The following PNP variants were observed in gnomAD, a reference collection of about 807,000 sequenced individuals.
PNP encodes HEL-S-156an.
Under a neutral mutation model 26.8 loss-of-function variants are expected in PNP, and 18 were observed. The ratio of observed to expected loss-of-function variants is 0.67; its 90% CI spans 0.46 to 1.00. The LOEUF (loss-of-function observed/expected upper bound fraction) is 1.00. Ranked by LOEUF, PNP falls within the 50% of genes least tolerant of loss-of-function variation. The pLI, the probability that PNP is intolerant of heterozygous loss-of-function variation, is 0.00. For synonymous variants in PNP, 116 were observed against 124.8 expected (o/e 0.93, Z 0.47); for missense variants, 320 against 362.9 (o/e 0.88, Z 0.96).
intron 1 of PNP, among the ~76,000 whole-genome samples, chr14:20,471,534 G>A (rs994322886): frequency 2.0e-5 from 3 of 152,004 alleles, no homozygotes; most frequent in Non-Finnish European, 2.9e-5. Context: ...TTTAACCTTT[G>A]ACAACCAGTA....
In PNP at chr14:20,472,346, TTC is replaced by T. The variant is rs1882003775; in HGVS notation, c.52_53del (p.Leu18ValfsTer4). The T allele has an allele frequency of 6.2e-7, 1 of 1,613,870 alleles. No homozygotes were observed. Among genetic ancestry groups the T allele is most frequent in the Non-Finnish European group, 8.5e-7 (1 of 1,179,840 alleles). ...GATTATAAGAACACTGCAGAATGGC[TTC>T]TGTCTCACACTAAGCACCGACCTCA... On this transcript the variant is annotated frameshift_variant, in exon 2 of 6. Coordinates refer to ENST00000361505, the MANE Select transcript of PNP (RefSeq NM_000270.4). LOFTEE classifies it high-confidence loss of function.
chr14:20,469,809 C>T (rs535715642), intron 1 of PNP: 5 of 602,012 alleles, frequency 8.3e-6, no homozygotes, highest in Non-Finnish European at 8.9e-6. Flanking sequence ...GTAAAAGCAG[C>T]CGTTGTGTGT....
chr14:20,469,521 G>C lies in PNP; in HGVS notation c.-4G>C. ...AGGCTCATCGAGAAGGCGTCTGCGA[G>C]ACCATGGAGAACGGGTGAGGAGGGC... On this transcript the variant is annotated 5_prime_UTR_variant, in exon 1 of 6. Transcript: ENST00000361505. The C allele has an allele frequency of 6.4e-7, 1 of 1,553,182 alleles. No homozygotes were observed. The highest frequency in any genetic ancestry group is 8.7e-7 in the Non-Finnish European group (1 of 1,148,610).
rs1382587927 is a variant in PNP, at chr14:20,475,268, T to A, written c.652+16T>A. The A allele has an allele frequency of 1.2e-6, 2 of 1,607,788 alleles. No individual in the cohort carries two copies. Among genetic ancestry groups the A allele is most frequent in the African/African-American group, 1.3e-5 (1 of 74,776 alleles). On this transcript the variant is annotated intron_variant, in intron 5 of 5. Coordinates refer to ENST00000361505, the MANE Select transcript of PNP (RefSeq NM_000270.4). Reference sequence around the variant, plus strand: ...GACGCTGTTGGTGAGAAGGGGAATTTGGCTGGAAGCTTGAAGAGGGAGGGG... The same window carrying A: ...GACGCTGTTGGTGAGAAGGGGAATTAGGCTGGAAGCTTGAAGAGGGAGGGG...
At chr14:20,476,249 G>A in intron 5 of PNP, 135 bp from the exon 6 acceptor site, 1 of 766,116 alleles carries the variant, frequency 1.3e-6, no homozygotes, top group Non-Finnish European at 2.3e-6. Flanking sequence ...TGGGATTACA[G>A]GTGTGAACCA....
rs762626347 is a variant in PNP, at chr14:20,474,659, C to T, written c.285+84C>T. ...CTCTTTCACTACCTAGCTATCTGGG[C>T]TAGGTGGATTTTTGGTCCTCTCCTT... On this transcript the variant is annotated intron_variant, in intron 3 of 5. Transcript: ENST00000361505. 5.2e-6 allele frequency: 8 copies of T among 1,538,040 alleles called. No homozygotes were observed. In the Admixed American group the frequency reaches 1.4e-4, roughly 26 times the overall value.
At chr14:20,474,305 C>A in intron 2 of PNP, 167 bp from the exon 3 acceptor site, 1 of 641,102 alleles carries the variant, frequency 1.6e-6, no homozygotes, top group Non-Finnish European at 2.8e-6. Flanking sequence ...TAATGCCTGG[C>A]TCTCTCACCA....
At position 20,474,958 on chromosome 14, in the gene PNP, T is replaced by A. The variant is rs1594427524; in HGVS notation, c.461+10T>A. 2 of 1,614,170 alleles carry A rather than the reference T, an allele frequency of 1.2e-6. No homozygotes were observed. On this transcript the variant is annotated intron_variant, in intron 4 of 5. Coordinates refer to ENST00000361505, the MANE Select transcript of PNP (RefSeq NM_000270.4). ...GGCCCAATGATGAAAGGTATGTATG[T>A]TACTCCGTTTTTTTTAGGTGGGTAG...
In PNP at chr14:20,477,003, C is replaced by G; in HGVS notation, c.*402C>G. On this transcript the variant is annotated 3_prime_UTR_variant, in exon 6 of 6. Coordinates refer to ENST00000361505, the MANE Select transcript of PNP (RefSeq NM_000270.4). The stretch of plus-strand genomic sequence containing the variant: ...GCTCAGTTCTGCCTTATCTAAATCA[C>G]CAGAGACCAAACAAGGACTAATCCA... 2 of 294,914 alleles carry G rather than the reference C, an allele frequency of 6.8e-6. No homozygotes were observed. The highest frequency in any genetic ancestry group is 6.7e-5 in the South Asian group (2 of 29,860). The allele number at this position is 294,914 out of a possible 1,614,324, so 18.3% of individuals were successfully genotyped here.
chr14:20,474,278 A>G (rs1882049458), intron 2 of PNP, 194 bp from the exon 3 acceptor site: 2 of 573,776 alleles, frequency 3.5e-6, no homozygotes, highest in South Asian at 3.8e-5. Context: ...CTTGGGTTGT[A>G]TTTGTATAAT....
chr14:20,471,177 C>T (rs1437925104), intron 1 of PNP, among the ~76,000 whole-genome samples: 1 of 150,826 alleles, frequency 6.6e-6, no homozygotes, highest in African/African-American at 2.4e-5. Flanking sequence ...ACTACAGGGG[C>T]CCGCCACCAC....
Position 20,474,899 on chromosome 14 carries a change from C to T in PNP, c.412C>T (p.Leu138=), listed in dbSNP as rs752139195. ...DIMLIRDHIN[L]PGFSGQNPLR... The stretch of plus-strand genomic sequence containing the variant: ...CATGCTGATCCGTGACCATATCAAC[C>T]TACCTGGTTTCAGTGGTCAGAACCC... Residue 138 remains leucine, a synonymous_variant, in exon 4 of 6, where the codon CTA becomes TTA. Coordinates refer to ENST00000361505, the MANE Select transcript of PNP (RefSeq NM_000270.4). 4.3e-6 allele frequency: 7 copies of T among 1,614,072 alleles called. No individual in the cohort carries two copies. The East Asian group carries it at 8.9e-5, about 21-fold the overall frequency.
At position 20,474,936 on chromosome 14, in the gene PNP, C is replaced by A. The variant is rs1477187726; in HGVS notation, c.449C>A (p.Pro150His). Reference sequence around the variant, plus strand: ...AGTGGTCAGAACCCTCTCAGAGGGCCCAATGATGAAAGGTATGTATGTTAC... The same window carrying A: ...AGTGGTCAGAACCCTCTCAGAGGGCACAATGATGAAAGGTATGTATGTTAC... ...GFSGQNPLRG[P>H]NDERFGDRFP... is the part of the protein sequence containing the mutation. The change falls in exon 4 of 6, where the codon CCC becomes CAC. Residue 150 changes from proline to histidine, a missense_variant. Coordinates refer to ENST00000361505, the MANE Select transcript of PNP (RefSeq NM_000270.4). The A allele has an allele frequency of 1.2e-6, 2 of 1,614,030 alleles. No homozygotes were observed. Among genetic ancestry groups the A allele is most frequent in the South Asian group, 2.2e-5 (2 of 91,074 alleles).
In PNP at chr14:20,474,844, G is replaced by T. The variant is rs1274633965; in HGVS notation, c.357G>T (p.Gly119=). The T allele has an allele frequency of 1.2e-6, 2 of 1,614,014 alleles. No homozygotes were observed. Among genetic ancestry groups the T allele is most frequent in the Non-Finnish European group, 1.7e-6 (2 of 1,179,998 alleles). ...DTLVVTNAAG[G]LNPKFEVGDI... ...TGGTAGTCACCAATGCAGCAGGAGGGCTGAACCCCAAGTTTGAGGTTGGAG... is the reference window on the plus strand; with the variant it reads ...TGGTAGTCACCAATGCAGCAGGAGGTCTGAACCCCAAGTTTGAGGTTGGAG... Residue 119 remains glycine, a synonymous_variant, in exon 4 of 6, where the codon GGG becomes GGT. Coordinates refer to ENST00000361505, the MANE Select transcript of PNP (RefSeq NM_000270.4).
rs1327790635 is a variant in PNP at position 20,477,000 on chromosome 14, T to C, written c.*399T>C. 1 of 300,446 alleles carries C rather than the reference T, an allele frequency of 3.3e-6. No individual in the cohort carries two copies. Among genetic ancestry groups the C allele is most frequent in the Non-Finnish European group, 6.5e-6 (1 of 152,848 alleles). The allele number at this position is 300,446 out of a possible 1,614,324, so 18.6% of individuals were successfully genotyped here. On this transcript the variant is annotated 3_prime_UTR_variant, in exon 6 of 6. Transcript: ENST00000361505. ...GGGGCTCAGTTCTGCCTTATCTAAA[T>C]CACCAGAGACCAAACAAGGACTAAT...
At chr14:20,469,765 G>T in intron 1 of PNP, 1 of 644,390 alleles carries the variant, frequency 1.6e-6, no homozygotes, top group Non-Finnish European at 2.8e-6. Flanking sequence ...ACCGGAGCAG[G>T]AAGGGGACAG....
rs569693952 is a variant in PNP at position 20,469,451 on chromosome 14, G to C, written c.-74G>C. The C allele has an allele frequency of 3.2e-6, 5 of 1,540,376 alleles. No individual in the cohort carries two copies. Among genetic ancestry groups the C allele is most frequent in the African/African-American group, 1.4e-5 (1 of 72,778 alleles). Reference sequence around the variant, plus strand: ...GCAGCCTTGCTCAGTTCAGCATAGCGGAGCGGATCCGATCGGATCGGAGCG... The same window carrying C: ...GCAGCCTTGCTCAGTTCAGCATAGCCGAGCGGATCCGATCGGATCGGAGCG... On this transcript the variant is annotated 5_prime_UTR_variant, in exon 1 of 6. Transcript: ENST00000361505.
intron 2 of PNP, chr14:20,473,779 T>C (rs1190753502): frequency 6.6e-6 from 1 of 152,192 alleles, no homozygotes; most frequent in Non-Finnish European, 1.5e-5. Context: ...TTGGCCAGGG[T>C]GGTCTTGAAC....
At chr14:20,471,156 G>A (rs908740485) in intron 1 of PNP, among the ~76,000 whole-genome samples, 19 of 148,548 alleles carry the variant, frequency 1.3e-4, no homozygotes, top group Admixed American at 2.0e-4. Flanking sequence ...TCAGCCTCCC[G>A]TGTAGCTAGG....
Sources: allele counts gnomAD v4.1 joint callset (sites outside exome capture counted in the v4.1 genomes callset), GRCh38; gene constraint gnomAD v4.1.1; transcripts MANE v1.5; gene names NCBI Gene and HGNC (gene_info 2026-07-23, HGNC 2026-07-21).